The following RIDA variants were observed in gnomAD, a reference collection of about 807,000 sequenced individuals.
RIDA encodes 2-iminobutanoate/2-iminopropanoate deaminase.
A neutral mutation model predicts 17.8 loss-of-function variants in RIDA; 17 were observed. The ratio of observed to expected loss-of-function variants is 0.96; its 90% CI spans 0.65 to 1.43. The LOEUF (loss-of-function observed/expected upper bound fraction) is 1.43, where lower values mean the gene tolerates loss of function less well. Among genes scored for constraint, RIDA ranks in the 40% most tolerant of loss-of-function variants. The pLI is 0.00. For missense variants in RIDA, 158 were observed against 161.7 expected, an observed-to-expected ratio of 0.98 and a Z score of 0.12; for synonymous variants, 48 against 55.7, an observed-to-expected ratio of 0.86 and a Z score of 0.62.
At chr8:98,115,341 T>C (rs1221337168) in intron 1 of RIDA, among the ~76,000 whole-genome samples, 9 of 138,434 alleles carry the variant, frequency 6.5e-5, no homozygotes, top group Admixed American at 5.6e-4. Flanking sequence ...TGAGCTGAGA[T>C]TGCACCACTG....
At chr8:98,104,608 A>C in intron 4 of RIDA, 64 bp from the exon 5 acceptor site, 1 of 958,104 alleles carries the variant, frequency 1.0e-6, no homozygotes, top group South Asian at 1.4e-5. Flanking sequence ...ATCAAGTGAA[A>C]ATTTTTATTT....
intron 1 of RIDA, among the ~76,000 whole-genome samples, chr8:98,115,128 C>T (rs1294529819): frequency 6.6e-6 from 1 of 152,176 alleles, no homozygotes; most frequent in Admixed American, 6.5e-5. Context: ...TGGCTGACAC[C>T]TGTAATCCGA....
At chr8:98,104,287 A>G (rs1013736886) in intron 5 of RIDA, among the ~76,000 whole-genome samples, 1 of 151,824 alleles carries the variant, frequency 6.6e-6, no homozygotes, top group Non-Finnish European at 1.5e-5. Context: ...CTGTCTTGCT[A>G]TGTTGCCCAG....
chr8:98,116,413 G>C (rs1274233725), intron 1 of RIDA, among the ~76,000 whole-genome samples: 2 of 152,182 alleles, frequency 1.3e-5, no homozygotes, highest in African/African-American at 2.4e-5. Flanking sequence ...AGTTGGGAGA[G>C]AGGCAGACCA....
At chr8:98,103,023 G>T in intron 5 of RIDA, 119 bp from the exon 6 acceptor site, 1 of 652,056 alleles carries the variant, frequency 1.5e-6, no homozygotes, top group Non-Finnish European at 2.7e-6. Context: ...AACTTTTCAA[G>T]GAAGGAAAGG....
At position 98,109,070 on chromosome 8, in the gene RIDA, C is replaced by T. The variant is rs75008584; in HGVS notation, c.66-319G>A. Reference sequence around the variant, plus strand: ...ACAGCCAAGTATGGTGACGCACACCCGTAGTCCCAGCTACTCAGGAGGCTA... The same window carrying T: ...ACAGCCAAGTATGGTGACGCACACCTGTAGTCCCAGCTACTCAGGAGGCTA... On this transcript the variant is annotated intron_variant, in intron 1 of 5. Coordinates refer to ENST00000254878, the MANE Select transcript of RIDA (RefSeq NM_005836.3). Among the ~76,000 whole-genome samples the T allele has an allele frequency of 4.4e-3, 662 of 152,026 alleles. 5 individuals are homozygous for T. Among genetic ancestry groups the T allele is most frequent in the African/African-American group, 0.015 (606 of 41,496 alleles).
rs372521439 is a variant in RIDA, at chr8:98,107,852, C to T, written c.171+794G>A. Among the ~76,000 whole-genome samples, 104 of 152,140 alleles carry T rather than the reference C, an allele frequency of 6.8e-4. 1 individual carries two copies. In the South Asian group the frequency reaches 0.021, roughly 31 times the overall value. The stretch of plus-strand genomic sequence containing the variant: ...TGGCACAATCTCAGCTCACTGCAAC[C>T]TCCGCCTTCCGGGTTCAAACGATTC... On this transcript the variant is annotated intron_variant, in intron 2 of 5. Transcript: ENST00000254878.
At chr8:98,110,199 A>G (rs1815705961) in intron 1 of RIDA, among the ~76,000 whole-genome samples, 1 of 152,226 alleles carries the variant, frequency 6.6e-6, no homozygotes, top group Non-Finnish European at 1.5e-5. Flanking sequence ...AAATTTGACT[A>G]TTATAGTGGA....
chr8:98,106,788 T>C (rs1563763423), intron 2 of RIDA, among the ~76,000 whole-genome samples: 1 of 152,258 alleles, frequency 6.6e-6, no homozygotes, highest in Non-Finnish European at 1.5e-5. Flanking sequence ...AAAACATTTA[T>C]CTTTTTTTGG....
intron 1 of RIDA, among the ~76,000 whole-genome samples, chr8:98,113,382 CTT>C (rs1312608294): frequency 2.0e-5 from 3 of 152,188 alleles, no homozygotes; most frequent in African/African-American, 7.2e-5. Context: ...CACAAAAACT[CTT>C]GTTCCCAAAA....
intron 1 of RIDA, among the ~76,000 whole-genome samples, chr8:98,115,842 TAA>T (rs1342758212): frequency 5.3e-5 from 8 of 152,222 alleles, no homozygotes; most frequent in Non-Finnish European, 1.0e-4. Context: ...TGTACTGTTG[TAA>T]AGTTTCCTTT....
intron 5 of RIDA, among the ~76,000 whole-genome samples, chr8:98,104,086 T>TC (rs986843700): frequency 2.9e-4 from 43 of 150,030 alleles, no homozygotes; most frequent in African/African-American, 8.3e-4. Context: ...TCTTTTCTTT[T>TC]TTTTTTTTTT....
intron 1 of RIDA, among the ~76,000 whole-genome samples, chr8:98,109,353 A>C (rs1258759496): frequency 6.6e-6 from 1 of 152,022 alleles, no homozygotes; most frequent in Non-Finnish European, 1.5e-5. Flanking sequence ...AATATGAGCA[A>C]ATGATACTTC....
intron 1 of RIDA, among the ~76,000 whole-genome samples, chr8:98,112,028 TTTG>T (rs1165944052): frequency 3.3e-5 from 5 of 152,182 alleles, no homozygotes; most frequent in African/African-American, 9.7e-5. Flanking sequence ...TCTTGTACAC[TTTG>T]TTTTTTTCAC....
intron 1 of RIDA, among the ~76,000 whole-genome samples, chr8:98,116,060 TCTAC>T (rs1337935417): frequency 6.6e-6 from 1 of 152,202 alleles, no homozygotes; most frequent in African/African-American, 2.4e-5. Context: ...CTACCTGACT[TCTAC>T]CTCCATGCCC....
intron 5 of RIDA, 80 bp downstream of exon 5, chr8:98,104,409 A>G (rs1815606052): frequency 5.4e-6 from 5 of 933,268 alleles, no homozygotes; most frequent in Non-Finnish European, 8.7e-6. Context: ...GTTTCCTTTC[A>G]CAGTGCTTAG....
In RIDA at chr8:98,109,121, G is replaced by T. The variant is rs532073913; in HGVS notation, c.66-370C>A. Among the ~76,000 whole-genome samples, 13 of 152,232 alleles carry T rather than the reference G, an allele frequency of 8.5e-5. No individual in the cohort carries two copies. The South Asian group carries it at 1.9e-3, about 22-fold the overall frequency. ...GGGTGATTGAATTGCTTGAGCCCAGGAGTTGAAGGCTGAAGTGAGCCATGA... is the reference window on the plus strand; with the variant it reads ...GGGTGATTGAATTGCTTGAGCCCAGTAGTTGAAGGCTGAAGTGAGCCATGA... On this transcript the variant is annotated intron_variant, in intron 1 of 5. Transcript: ENST00000254878.
chr8:98,110,652 T>C (rs1270047885), intron 1 of RIDA, among the ~76,000 whole-genome samples: 1 of 152,164 alleles, frequency 6.6e-6, no homozygotes, highest in African/African-American at 2.4e-5. Context: ...AAAACATAAG[T>C]AGTCATCTTC....
intron 2 of RIDA, chr8:98,106,535 G>T (rs763915266): frequency 7.9e-6 from 4 of 506,430 alleles, no homozygotes; most frequent in Non-Finnish European, 1.1e-5. Context: ...CCTTTTGTGC[G>T]TAAAAAGACT....
Sources: gnomAD v4.1 joint callset for allele counts (sites outside exome capture counted in the v4.1 genomes callset) on GRCh38, gnomAD v4.1.1 for gene constraint, MANE v1.5 for transcripts, NCBI Gene and HGNC (gene_info 2026-07-23, HGNC 2026-07-21) for gene names.